Variants in SETBP1 observed in about 807,000 individuals in gnomAD.
SETBP1 encodes SET-binding protein.
Under a neutral mutation model 101.0 loss-of-function variants are expected in SETBP1, and 9 were observed. The ratio of observed to expected loss-of-function variants is 0.09; its 90% CI spans 0.05 to 0.16. SETBP1 has a LOEUF of 0.16. SETBP1 is among the 10% of genes least tolerant of loss of function. The pLI is 1.00. For missense variants in SETBP1, 1,858 were observed against 2,033.8 expected (o/e 0.91, Z 1.66); for synonymous variants, 818 against 788.5 (o/e 1.04, Z -0.63).
intron 3 of SETBP1, among the ~76,000 whole-genome samples, chr18:44,876,361 AT>A (rs1419715110): frequency 2.0e-5 from 3 of 152,098 alleles, no homozygotes; most frequent in Non-Finnish European, 4.4e-5. Flanking sequence ...CCACACCCCT[AT>A]TTTAAAATGG....
chr18:44,759,025 C>T (rs188446323), intron 2 of SETBP1, among the ~76,000 whole-genome samples: 2 of 152,314 alleles, frequency 1.3e-5, no homozygotes, highest in East Asian at 1.9e-4. Context: ...CTAAATAACA[C>T]GTTTCTCCAT....
At chr18:44,710,113 T>C (rs1057344392) in intron 2 of SETBP1, among the ~76,000 whole-genome samples, 1 of 152,218 alleles carries the variant, frequency 6.6e-6, no homozygotes, top group Non-Finnish European at 1.5e-5. Flanking sequence ...CCCGCAGTTA[T>C]ATTTCCTTTT....
chr18:44,929,751 T>C (rs1320837816), intron 3 of SETBP1, among the ~76,000 whole-genome samples: 1 of 152,198 alleles, frequency 6.6e-6, no homozygotes, highest in East Asian at 1.9e-4. Context: ...GTTATTGGTA[T>C]ATAGGAATGC....
intron 2 of SETBP1, among the ~76,000 whole-genome samples, chr18:44,759,193 C>T (rs905855629): frequency 9.2e-5 from 14 of 152,096 alleles, no homozygotes; most frequent in African/African-American, 2.7e-4. Context: ...TTTTACAGGG[C>T]ATGGGATGGT....
At chr18:44,927,812 T>C (rs2070738464) in intron 3 of SETBP1, among the ~76,000 whole-genome samples, 1 of 152,208 alleles carries the variant, frequency 6.6e-6, no homozygotes, top group African/African-American at 2.4e-5. Context: ...TGCAGCATGC[T>C]GTACCCCTGT....
chr18:44,872,341 C>A (rs890315174), intron 3 of SETBP1, among the ~76,000 whole-genome samples: 2 of 151,686 alleles, frequency 1.3e-5, no homozygotes, highest in Non-Finnish European at 1.5e-5. Context: ...TACACAATGA[C>A]ATTTTGGGGT....
chr18:44,799,649 G>A (rs2071559901), intron 2 of SETBP1, among the ~76,000 whole-genome samples: 2 of 152,158 alleles, frequency 1.3e-5, no homozygotes. Context: ...GTTTCAGAAT[G>A]TGTAGGTTTG....
intron 3 of SETBP1, among the ~76,000 whole-genome samples, chr18:44,936,559 T>C (rs933074528): frequency 3.3e-5 from 5 of 152,160 alleles, no homozygotes; most frequent in South Asian, 4.2e-4. Context: ...CCAGTACACA[T>C]GTCTCGACCA....
At chr18:44,777,540 G>A (rs887219644) in intron 2 of SETBP1, among the ~76,000 whole-genome samples, 1 of 152,090 alleles carries the variant, frequency 6.6e-6, no homozygotes, top group East Asian at 1.9e-4. Context: ...CCCCTCATCT[G>A]GTGGATAGAG....
intron 2 of SETBP1, among the ~76,000 whole-genome samples, chr18:44,846,931 T>C (rs1486632794): frequency 2.0e-5 from 3 of 152,186 alleles, no homozygotes; most frequent in African/African-American, 7.2e-5. Flanking sequence ...CACATGGGGC[T>C]GAGGCTGGGA....
intron 4 of SETBP1, among the ~76,000 whole-genome samples, chr18:44,963,580 A>G (rs2071657676): frequency 6.6e-6 from 1 of 152,120 alleles, no homozygotes; most frequent in Non-Finnish European, 1.5e-5. Context: ...ACATTCAAAA[A>G]CTTGCATTTT....
At chr18:44,724,438 A>G (rs899640893) in intron 2 of SETBP1, among the ~76,000 whole-genome samples, 1 of 152,202 alleles carries the variant, frequency 6.6e-6, no homozygotes, top group South Asian at 2.1e-4. Context: ...GGCCTAGACC[A>G]GAGAAGAGGC....
chr18:45,028,334 A>G (rs2073214679), intron 4 of SETBP1, among the ~76,000 whole-genome samples: 1 of 152,078 alleles, frequency 6.6e-6, no homozygotes, highest in African/African-American at 2.4e-5. Flanking sequence ...TACAAAGGAC[A>G]TGAACTCATC....
intron 2 of SETBP1, among the ~76,000 whole-genome samples, chr18:44,841,331 A>G (rs989349213): frequency 1.3e-5 from 2 of 152,208 alleles, no homozygotes; most frequent in Non-Finnish European, 2.9e-5. Context: ...TTCTCACAAC[A>G]AGAGAGCTGG....
At chr18:44,698,132 A>G (rs2069051322) in intron 1 of SETBP1, among the ~76,000 whole-genome samples, 1 of 152,188 alleles carries the variant, frequency 6.6e-6, no homozygotes, top group South Asian at 2.1e-4. Context: ...GGCTATTTGA[A>G]ACTGCATTAC....
At chr18:44,998,299 G>A (rs1253046278) in intron 4 of SETBP1, among the ~76,000 whole-genome samples, 4 of 152,330 alleles carry the variant, frequency 2.6e-5, no homozygotes, top group South Asian at 2.1e-4. Flanking sequence ...TGGTAGCCCC[G>A]TTTCCGGGGT....
At chr18:44,744,544 C>G (rs2070181286) in intron 2 of SETBP1, among the ~76,000 whole-genome samples, 1 of 152,238 alleles carries the variant, frequency 6.6e-6, no homozygotes. Flanking sequence ...TGGCAGTTCA[C>G]ACGGGGCACT....
At chr18:45,060,086 A>G (rs1350695468) in intron 5 of SETBP1, among the ~76,000 whole-genome samples, 1 of 152,202 alleles carries the variant, frequency 6.6e-6, no homozygotes, top group Non-Finnish European at 1.5e-5. Flanking sequence ...CCATGTTGAT[A>G]TATTTATGTG....
chr18:44,861,483 C>T (rs900244701), intron 2 of SETBP1, among the ~76,000 whole-genome samples: 5 of 152,018 alleles, frequency 3.3e-5, no homozygotes, highest in East Asian at 1.9e-4. Context: ...CTGCCCGCCT[C>T]GGCCTCCCAA....
Sources: gnomAD v4.1 joint callset for allele counts (sites outside exome capture counted in the v4.1 genomes callset) on GRCh38, gnomAD v4.1.1 for gene constraint, MANE v1.5 for transcripts, NCBI Gene and HGNC (gene_info 2026-07-23, HGNC 2026-07-21) for gene names.